OPN4: variants seen among roughly 807,000 people sequenced by gnomAD.
OPN4 encodes opsin 4.
In OPN4, 43 loss-of-function variants were observed where a neutral mutation model predicts 49.5. The observed-to-expected ratio is 0.87, with a 90% confidence interval of 0.68 to 1.12. OPN4 has a LOEUF of 1.12. OPN4 is among the 50% of genes most tolerant of loss of function. OPN4 has a pLI of 0.00. For synonymous variants in OPN4, 263 were observed against 258.0 expected, an observed-to-expected ratio of 1.02 and a Z score of -0.19; for missense variants, 657 against 643.9, an observed-to-expected ratio of 1.02 and a Z score of -0.22.
chr10:86,657,286 G>A lies in OPN4; in HGVS notation c.291-746G>A, dbSNP rs188111614. The A allele has an allele frequency of 3.5e-4, 267 of 771,498 alleles. 1 individual carries two copies. The highest frequency in any genetic ancestry group is 3.4e-3 in the African/African-American group (201 of 59,054). The allele number at this position is 771,498 out of a possible 1,614,324, so 47.8% of individuals were successfully genotyped here. ...AGCCACTTACTGAGTGCTGTGCACC[G>A]GAGCAAGTCACTTCATGAGTGGGAG... On this transcript the variant is annotated intron_variant, in intron 2 of 9. Transcript: ENST00000241891.
At chr10:86,659,221 A>G in intron 4 of OPN4, 76 bp from the exon 5 acceptor site, 5 of 1,197,180 alleles carry the variant, frequency 4.2e-6, no homozygotes, top group Non-Finnish European at 6.0e-6. Context: ...CCCGAATGCC[A>G]CATACAAAGC....
At chr10:86,661,192 A>G (rs1390100908) in intron 6 of OPN4, 89 bp from the exon 7 acceptor site, 2 of 1,017,724 alleles carry the variant, frequency 2.0e-6, no homozygotes, top group African/African-American at 3.2e-5. Flanking sequence ...GGGCTGGATT[A>G]GGATTTGGGC....
At chr10:86,656,451 A>G in intron 2 of OPN4, 151 bp downstream of exon 2, 2 of 1,042,692 alleles carry the variant, frequency 1.9e-6, no homozygotes, top group Non-Finnish European at 2.8e-6. Context: ...CGATGATCTC[A>G]GGCCCAGACC....
In OPN4 at chr10:86,659,954, G is replaced by T. The variant is rs377404718; in HGVS notation, c.860G>T (p.Arg287Leu). 1.4e-5 allele frequency: 22 copies of T among 1,614,200 alleles called. No individual in the cohort carries two copies. The South Asian group carries it at 1.4e-4, about 10-fold the overall frequency. The change falls in exon 6 of 10, where the codon CGG becomes CTG. Residue 287 changes from arginine to leucine, a missense_variant. By Grantham distance (102) the Arg-to-Leu change is moderately radical (BLOSUM62 -2). Transcript: ENST00000241891. The stretch of plus-strand genomic sequence containing the variant: ...GGCGAGTCCCTGTGGCAGCGGCAGC[G>T]GCTGCAGAGCGAGTGCAAGATGGCC... ...GNGESLWQRQ[R>L]LQSECKMAKI...
At chr10:86,657,496 C>G (rs1457008359) in intron 2 of OPN4, among the ~76,000 whole-genome samples, 1 of 152,070 alleles carries the variant, frequency 6.6e-6, no homozygotes, top group Non-Finnish European at 1.5e-5. Context: ...AGGGTCCAGG[C>G]AGGACGTGAC....
chr10:86,661,410 C>T, intron 7 of OPN4, 22 bp downstream of exon 7: 1 of 1,588,012 alleles, frequency 6.3e-7, no homozygotes, highest in Non-Finnish European at 8.6e-7. Context: ...TTCCAGAACC[C>T]CACACCTTGG....
At position 86,665,939 on chromosome 10, in the gene OPN4, C is replaced by A. The variant is rs1054606010; in HGVS notation, c.*188C>A. On this transcript the variant is annotated 3_prime_UTR_variant, in exon 10 of 10. Transcript: ENST00000241891. ...ACACCTCAAAACTCCTGCCCCATAA[C>A]GTCCTCCGCATCCACTTTCCAGCTC... The A allele has an allele frequency of 3.4e-6, 2 of 580,246 alleles. No homozygotes were observed. Among genetic ancestry groups the A allele is most frequent in the Admixed American group, 6.6e-5 (2 of 30,324 alleles). The allele number at this position is 580,246 out of a possible 1,614,324, so 35.9% of individuals were successfully genotyped here.
chr10:86,664,524 G>T (rs963792563), intron 9 of OPN4, among the ~76,000 whole-genome samples: 2 of 152,160 alleles, frequency 1.3e-5, no homozygotes, highest in Admixed American at 1.3e-4. Context: ...CTCCCAAGCA[G>T]CCCTTCGCCC....
At position 86,665,897 on chromosome 10, in the gene OPN4, C is replaced by A; in HGVS notation, c.*146C>A. On this transcript the variant is annotated 3_prime_UTR_variant, in exon 10 of 10. Coordinates refer to ENST00000241891, the MANE Select transcript of OPN4 (RefSeq NM_033282.4). ...TGCTGCACGGGATTCACAGCCCCAG[C>A]CCCATGGCCCCTCTCCACACCTCAA... The A allele has an allele frequency of 3.0e-6, 2 of 655,742 alleles. No individual in the cohort carries two copies. The highest frequency in any genetic ancestry group is 2.6e-5 in the Admixed American group (1 of 37,884). 40.6% of individuals were successfully genotyped at this position (655,742 alleles called of 1,614,324 possible).
chr10:86,657,402 T>C (rs555126826), intron 2 of OPN4, among the ~76,000 whole-genome samples: 1 of 152,296 alleles, frequency 6.6e-6, no homozygotes, highest in Admixed American at 6.5e-5. Flanking sequence ...TGAAAGTGCC[T>C]GGCCCGGCCG....
Position 86,658,167 on chromosome 10 carries a change from T to A in OPN4, c.424+2T>A. 6.2e-7 allele frequency: 1 copy of A among 1,613,226 alleles called. No individual in the cohort carries two copies. Among genetic ancestry groups the A allele is most frequent in the Non-Finnish European group, 8.5e-7 (1 of 1,179,818 alleles). On this transcript the variant is annotated splice_donor_variant, in intron 3 of 9. Transcript: ENST00000241891. LOFTEE classifies it high-confidence loss of function. ...AGCAGTGGCTCTTTGGGGAGACAGG[T>A]AGATGCTGGGGCTCCCTTTTGCTGG...
intron 6 of OPN4, among the ~76,000 whole-genome samples, chr10:86,660,484 A>G (rs955064681): frequency 6.6e-6 from 1 of 152,200 alleles, no homozygotes; most frequent in Admixed American, 6.5e-5. Context: ...GCACAGATGC[A>G]TGCTCAACTT....
rs201523315 is a variant in OPN4 at position 86,658,117 on chromosome 10, G to A, written c.376G>A (p.Val126Ile). Reference protein sequence around the residue: ...DFLMSFTQAPVFFTSSLYKQW... With the variant: ...DFLMSFTQAPIFFTSSLYKQW... Reference sequence around the variant, plus strand: ...CCTCATGTCCTTCACCCAGGCCCCTGTCTTCTTCACCAGTAGCCTCTATAA... The same window carrying A: ...CCTCATGTCCTTCACCCAGGCCCCTATCTTCTTCACCAGTAGCCTCTATAA... The change falls in exon 3 of 10, where the codon GTC becomes ATC. Residue 126 changes from valine to isoleucine, a missense_variant. Physicochemically the swap from Val to Ile is conservative, Grantham distance 29. Coordinates refer to ENST00000241891, the MANE Select transcript of OPN4 (RefSeq NM_033282.4). The A allele has an allele frequency of 3.7e-6, 6 of 1,614,142 alleles. No individual in the cohort carries two copies. Among genetic ancestry groups the A allele is most frequent in the Non-Finnish European group, 2.5e-6 (3 of 1,180,032 alleles).
intron 8 of OPN4, among the ~76,000 whole-genome samples, chr10:86,662,824 A>G (rs1564622223): frequency 6.6e-6 from 1 of 152,252 alleles, no homozygotes; most frequent in Non-Finnish European, 1.5e-5. Flanking sequence ...CTTGCTCCTC[A>G]GCATTAAGCC....
chr10:86,660,744 G>A (rs1020024441), intron 6 of OPN4, among the ~76,000 whole-genome samples: 2 of 152,110 alleles, frequency 1.3e-5, no homozygotes, highest in Non-Finnish European at 2.9e-5. Flanking sequence ...AGTGGACCTG[G>A]GAACCTCCAC....
chr10:86,655,213 T>C (rs1843836438), intron 1 of OPN4, among the ~76,000 whole-genome samples: 1 of 152,164 alleles, frequency 6.6e-6, no homozygotes. Flanking sequence ...CACTCATTCC[T>C]TTCAGAGGTT....
chr10:86,657,618 A>G (rs1194468614), intron 2 of OPN4, among the ~76,000 whole-genome samples: 5 of 152,138 alleles, frequency 3.3e-5, no homozygotes, highest in African/African-American at 1.2e-4. Flanking sequence ...CTCTAGGGAG[A>G]CCTTGGCCTA....
chr10:86,662,810 G>T (rs1306448579), intron 8 of OPN4, among the ~76,000 whole-genome samples: 2 of 152,286 alleles, frequency 1.3e-5, no homozygotes, highest in Non-Finnish European at 2.9e-5. Context: ...TTAGCTTGGA[G>T]CTCCTTGCTC....
chr10:86,657,077 G>A (rs1843886867), intron 2 of OPN4: 2 of 682,476 alleles, frequency 2.9e-6, no homozygotes, highest in Non-Finnish European at 2.7e-6. Context: ...AGACAGGCAG[G>A]TGGAGAAGGG....
Sources: allele counts gnomAD v4.1 joint callset (sites outside exome capture counted in the v4.1 genomes callset), GRCh38; gene constraint gnomAD v4.1.1; transcripts MANE v1.5; gene names NCBI Gene and HGNC (gene_info 2026-07-23, HGNC 2026-07-21).